Variants in MTAP observed in about 807,000 individuals in gnomAD.
MTAP encodes methylthioadenosine phosphorylase, also known as S-methyl-5'-thioadenosine phosphorylase.
Under a neutral mutation model 33.6 loss-of-function variants are expected in MTAP, and 33 were observed. The ratio of observed to expected loss-of-function variants is 0.98; its 90% CI spans 0.74 to 1.31. The LOEUF (loss-of-function observed/expected upper bound fraction) is 1.31. Among genes scored for constraint, MTAP ranks in the 40% most tolerant of loss-of-function variants. The pLI is 0.00. For synonymous variants in MTAP, 148 were observed against 125.7 expected, an observed-to-expected ratio of 1.18 and a Z score of -1.19; for missense variants, 367 against 360.0, an observed-to-expected ratio of 1.02 and a Z score of -0.16.
chr9:21,915,103 G>A (rs183540616), intron 1 of MTAP, among the ~76,000 whole-genome samples: 2 of 108,046 alleles, frequency 1.9e-5, no homozygotes, highest in East Asian at 2.8e-4. Context: ...CTTTTCTTTC[G>A]GCAGAGTCTT....
At chr9:21,826,042 C>T (rs1226378367) in intron 4 of MTAP, among the ~76,000 whole-genome samples, 1 of 151,792 alleles carries the variant, frequency 6.6e-6, no homozygotes, top group Non-Finnish European at 1.5e-5. Context: ...GGGTATTAAC[C>T]CCTTATCCGA....
intron 4 of MTAP, among the ~76,000 whole-genome samples, chr9:21,836,071 A>T (rs895038350): frequency 6.6e-6 from 1 of 152,056 alleles, no homozygotes; most frequent in Non-Finnish European, 1.5e-5. Flanking sequence ...GCCGACTCCA[A>T]TTCTGTCTCT....
intron 4 of MTAP, among the ~76,000 whole-genome samples, chr9:21,834,065 G>A (rs1338469737): frequency 6.6e-6 from 1 of 151,902 alleles, no homozygotes. Context: ...TAAGCAATTT[G>A]TTGGATACCC....
At chr9:21,895,645 G>A (rs1410912980) in intron 1 of MTAP, among the ~76,000 whole-genome samples, 3 of 152,282 alleles carry the variant, frequency 2.0e-5, no homozygotes, top group South Asian at 4.2e-4. Flanking sequence ...TTGGCAAACG[G>A]CACACTAGGA....
chr9:21,909,834 A>G (rs1007540893), intron 1 of MTAP, among the ~76,000 whole-genome samples: 1 of 152,182 alleles, frequency 6.6e-6, no homozygotes, highest in African/African-American at 2.4e-5. Context: ...TCCCCACTTT[A>G]TAGATGAGAA....
Position 21,863,841 on chromosome 9 carries a change from A to G in MTAP, c.*1827A>G, listed in dbSNP as rs1356039484. 2 of 985,708 alleles carry G rather than the reference A, an allele frequency of 2.0e-6. No individual in the cohort carries two copies. Among genetic ancestry groups the G allele is most frequent in the African/African-American group, 3.5e-5 (2 of 57,222 alleles). The allele number at this position is 985,708 out of a possible 1,614,324, so 61.1% of individuals were successfully genotyped here. On this transcript the variant is annotated 3_prime_UTR_variant, in exon 8 of 8. Transcript: ENST00000644715. ...TAATAAGCTGCTAATTGTAAACAAA[A>G]CAGTTACCCTCCAGTATTAATATGA...
At chr9:21,853,572 C>A (rs1825566043) in intron 5 of MTAP, among the ~76,000 whole-genome samples, 1 of 152,086 alleles carries the variant, frequency 6.6e-6, no homozygotes, top group African/African-American at 2.4e-5. Context: ...AGACTTTGCC[C>A]AGATTGGAGA....
chr9:21,842,601 A>G (rs1825274412), intron 5 of MTAP, among the ~76,000 whole-genome samples: 1 of 152,186 alleles, frequency 6.6e-6, no homozygotes, highest in Non-Finnish European at 1.5e-5. Context: ...TTGGAGTCCC[A>G]TTTTTAACCT....
intron 1 of MTAP, among the ~76,000 whole-genome samples, chr9:21,910,849 A>T (rs530811086): frequency 8.9e-4 from 135 of 152,250 alleles, no homozygotes; most frequent in African/African-American, 2.6e-3. Flanking sequence ...TCAAGTCCGC[A>T]TCCCCCAGCC....
chr9:21,832,043 A>G (rs570325154), intron 4 of MTAP, among the ~76,000 whole-genome samples: 1 of 152,302 alleles, frequency 6.6e-6, no homozygotes, highest in Admixed American at 6.5e-5. Flanking sequence ...TCATCTGCTA[A>G]ATGAGGGTGT....
intron 1 of MTAP, among the ~76,000 whole-genome samples, chr9:21,810,555 C>T (rs769883887): frequency 6.6e-6 from 1 of 152,158 alleles, no homozygotes; most frequent in Non-Finnish European, 1.5e-5. Flanking sequence ...TACCATGGCT[C>T]ATGACTCAAA....
chr9:21,890,192 C>T (rs1168473003), intron 1 of MTAP, among the ~76,000 whole-genome samples: 1 of 152,016 alleles, frequency 6.6e-6, no homozygotes, highest in Non-Finnish European at 1.5e-5. Flanking sequence ...GGCTGCCTCT[C>T]CTGCATCATA....
chr9:21,911,472 A>C (rs1377843111), intron 1 of MTAP, among the ~76,000 whole-genome samples: 2 of 152,232 alleles, frequency 1.3e-5, no homozygotes, highest in African/African-American at 4.8e-5. Flanking sequence ...AGGATTAAGA[A>C]ACTCACACAA....
rs772168124 is a variant in MTAP at position 21,818,118 on chromosome 9, A to G, written c.263A>G (p.His88Arg). 16 of 1,614,022 alleles carry G rather than the reference A, an allele frequency of 9.9e-6. No homozygotes were observed. The highest frequency in any genetic ancestry group is 2.2e-5 in the South Asian group (2 of 91,060). The change falls in exon 4 of 8, where the codon CAT (histidine) becomes CGT (arginine). Residue 88 changes from histidine to arginine, a missense_variant. Transcript: ENST00000644715. ...IWALKEEGCT[H>R]VIVTTACGSL... is the part of the protein sequence containing the mutation. ...GCTTTGAAGGAAGAGGGCTGTACACATGTCATAGTGACCACAGCTTGTGGC... is the reference window on the plus strand; with the variant it reads ...GCTTTGAAGGAAGAGGGCTGTACACGTGTCATAGTGACCACAGCTTGTGGC...
chr9:21,819,776 A>G (rs1042625545), intron 4 of MTAP, among the ~76,000 whole-genome samples: 9 of 152,122 alleles, frequency 5.9e-5, no homozygotes, highest in Non-Finnish European at 1.0e-4. Context: ...AAGTGTTCCT[A>G]TTTCTCCACA....
chr9:21,854,857 A>C lies in MTAP; in HGVS notation c.677A>C (p.Glu226Ala), dbSNP rs1358216533. The C allele has an allele frequency of 6.2e-7, 1 of 1,614,066 alleles. No homozygotes were observed. Among genetic ancestry groups the C allele is most frequent in the African/African-American group, 1.3e-5 (1 of 75,054 alleles). ...GCGACAGATTATGACTGCTGGAAGGAGCACGAGGAAGCAGTAGGTGGAATT... is the reference window on the plus strand; with the variant it reads ...GCGACAGATTATGACTGCTGGAAGGCGCACGAGGAAGCAGTAGGTGGAATT... ...AMATDYDCWK[E>A]HEEAVSVDRV... The change falls in exon 6 of 8, where the codon GAG becomes GCG. Residue 226 changes from glutamate to alanine, a missense_variant. By Grantham distance (107) the Glu-to-Ala change is moderately radical. Coordinates refer to ENST00000644715, the MANE Select transcript of MTAP (RefSeq NM_002451.4).
chr9:21,912,746 C>T (rs1291003732), intron 1 of MTAP, among the ~76,000 whole-genome samples: 1 of 152,184 alleles, frequency 6.6e-6, no homozygotes, highest in African/African-American at 2.4e-5. Flanking sequence ...CCTCTCTCAC[C>T]ACTCCTATTC....
At chr9:21,929,717 C>T (rs1429900677) in intron 1 of MTAP, 2 of 215,154 alleles carry the variant, frequency 9.3e-6, no homozygotes, top group Non-Finnish European at 1.9e-5. Context: ...CTATTTGGGT[C>T]TGCAAATAAC....
intron 5 of MTAP, among the ~76,000 whole-genome samples, chr9:21,846,878 A>G (rs1164595127): frequency 6.6e-6 from 1 of 152,246 alleles, no homozygotes; most frequent in African/African-American, 2.4e-5. Context: ...TGGTATATAT[A>G]CAGCATGGGT....
Sources: allele counts gnomAD v4.1 joint callset (sites outside exome capture counted in the v4.1 genomes callset), GRCh38; gene constraint gnomAD v4.1.1; transcripts MANE v1.5; gene names NCBI Gene and HGNC (gene_info 2026-07-23, HGNC 2026-07-21).